Variants in SPTBN4 observed in about 807,000 individuals in gnomAD.
The protein encoded by SPTBN4 is spectrin beta, non-erythrocytic 4.
In SPTBN4, 96 loss-of-function variants were observed where a neutral mutation model predicts 277.8. The observed-to-expected ratio is 0.35, with a 90% CI of 0.29 to 0.41. The LOEUF is 0.41. SPTBN4 is among the 10% of genes least tolerant of loss of function. The probability of loss-of-function intolerance (pLI) is 1.00; values close to 1 mark genes in which losing one functional copy is unlikely to be tolerated. For missense variants in SPTBN4, 3,006 were observed against 3,595.7 expected (o/e 0.84, Z 4.19); for synonymous variants, 1,481 against 1,580.3 (o/e 0.94, Z 1.49).
chr19:40,505,760 A>AAG (rs1555814129), intron 12 of SPTBN4, among the ~76,000 whole-genome samples: 1 of 151,874 alleles, frequency 6.6e-6, no homozygotes, highest in African/African-American at 2.4e-5. Flanking sequence ...GGAAGAAAGA[A>AAG]AGGTGAACAG....
Position 40,568,277 on chromosome 19 carries a change from C to T in SPTBN4, c.6951C>T (p.Val2317=), listed in dbSNP as rs2081117382. ...EQEMPIRGDL[V]KGKATLADIV... is the part of the protein sequence containing the mutation. Reference sequence around the variant, plus strand: ...AGATGCCCATCAGAGGAGACCTGGTCAAGGGGTGAGGTGCCCGCCTTATGA... The same window carrying T: ...AGATGCCCATCAGAGGAGACCTGGTTAAGGGGTGAGGTGCCCGCCTTATGA... The change falls in exon 31 of 36, where the codon GTC becomes GTT. Residue 2317 remains valine (V), a synonymous_variant. Transcript: ENST00000598249. 1 of 1,603,356 alleles carries T rather than the reference C, an allele frequency of 6.2e-7. No homozygotes were observed. Among genetic ancestry groups the T allele is most frequent in the Non-Finnish European group, 8.5e-7 (1 of 1,175,220 alleles).
chr19:40,480,178 G>A (rs1262574530), intron 2 of SPTBN4, among the ~76,000 whole-genome samples: 1 of 151,050 alleles, frequency 6.6e-6, no homozygotes, highest in Non-Finnish European at 1.5e-5. Flanking sequence ...GTGAACCTGG[G>A]AGGCGGAGCT....
chr19:40,511,992 C>T (rs1266367233), intron 13 of SPTBN4, among the ~76,000 whole-genome samples: 2 of 152,000 alleles, frequency 1.3e-5, no homozygotes, highest in African/African-American at 2.4e-5. Context: ...GGCGTGGTGG[C>T]GGGCGCCTGT....
At chr19:40,491,466 G>A (rs2080134793) in intron 4 of SPTBN4, among the ~76,000 whole-genome samples, 2 of 152,092 alleles carry the variant, frequency 1.3e-5, no homozygotes, top group African/African-American at 4.8e-5. Flanking sequence ...CTTTGGCTGG[G>A]CATGGCGGCT....
rs1555810980 is a variant in SPTBN4, at chr19:40,489,228, A to AGAAAGAAAG, written c.322-847_322-846insGAAAGAAAG. 1.6e-3 allele frequency among the ~76,000 whole-genome samples: 220 copies of AGAAAGAAAG among 141,680 alleles called. 4 individuals carry two copies. The highest frequency in any genetic ancestry group is 5.7e-3 in the African/African-American group (205 of 35,938). 92.9% of individuals were successfully genotyped at this position (141,680 alleles called of 152,430 possible). ...CAACAACAAAAGCCAAAAAAAAAAA[A>AGAAAGAAAG]AAAGAAAGAAAAAAAAGAATAGATA... On this transcript the variant is annotated intron_variant, in intron 3 of 35. Coordinates refer to ENST00000598249, the MANE Select transcript of SPTBN4 (RefSeq NM_020971.3).
chr19:40,526,424 G>A (rs757310048), intron 17 of SPTBN4, among the ~76,000 whole-genome samples: 16 of 152,066 alleles, frequency 1.1e-4, no homozygotes, highest in South Asian at 2.1e-4. Context: ...CACCTGCCTC[G>A]GCTCCCCAAA....
intron 2 of SPTBN4, among the ~76,000 whole-genome samples, chr19:40,481,620 C>T (rs964503729): frequency 1.3e-5 from 2 of 151,922 alleles, no homozygotes; most frequent in African/African-American, 4.8e-5. Context: ...GGATTACAGG[C>T]GCACACCACC....
chr19:40,572,729 C>T (rs893525691), intron 35 of SPTBN4: 6 of 222,778 alleles, frequency 2.7e-5, no homozygotes, highest in Non-Finnish European at 5.4e-5. Flanking sequence ...GAGGCCAAGA[C>T]GGGCAGATCA....
chr19:40,485,989 A>G (rs926335711), intron 2 of SPTBN4, among the ~76,000 whole-genome samples: 8 of 151,892 alleles, frequency 5.3e-5, no homozygotes, highest in Middle Eastern at 3.4e-3. Context: ...AAAAAAAAAA[A>G]AAAACAGTAG....
chr19:40,523,641 T>G lies in SPTBN4; in HGVS notation c.3857+2T>G, dbSNP rs766477468. The G allele has an allele frequency of 6.2e-7, 1 of 1,607,634 alleles. No homozygotes were observed. Among genetic ancestry groups the G allele is most frequent in the Non-Finnish European group, 8.5e-7 (1 of 1,176,410 alleles). On this transcript the variant is annotated splice_donor_variant, in intron 17 of 35. Coordinates refer to ENST00000598249, the MANE Select transcript of SPTBN4 (RefSeq NM_020971.3). LOFTEE classifies it high-confidence loss of function. ...GGCTGTGACCCGGCTGCTGGAGAAGTAGGTCCCCTAGACCCATCCACCCCA... is the reference window on the plus strand; with the variant it reads ...GGCTGTGACCCGGCTGCTGGAGAAGGAGGTCCCCTAGACCCATCCACCCCA...
intron 12 of SPTBN4, among the ~76,000 whole-genome samples, chr19:40,504,992 T>C (rs1438501299): frequency 6.6e-6 from 1 of 151,488 alleles, no homozygotes; most frequent in Non-Finnish European, 1.5e-5. Context: ...AAAGGTGACA[T>C]GGAAATCTAC....
intron 13 of SPTBN4, among the ~76,000 whole-genome samples, chr19:40,509,068 ATTG>A (rs2080361414): frequency 1.1e-5 from 1 of 91,282 alleles, no homozygotes; most frequent in African/African-American, 4.2e-5. Context: ...TTTTATTATT[ATTG>A]TTGTTGTTTA....
Position 40,515,516 on chromosome 19 carries a change from A to T in SPTBN4, c.2903+68A>T. 1 of 1,426,842 alleles carries T rather than the reference A, an allele frequency of 7.0e-7. No homozygotes were observed. The highest frequency in any genetic ancestry group is 3.0e-5 in the Admixed American group (1 of 33,762). 88.4% of individuals were successfully genotyped at this position (1,426,842 alleles called of 1,614,324 possible). Reference sequence around the variant, plus strand: ...CCACACTCACACAGCCATGGACAGCAAGATGTGCAATCTCAAACCCCTGGA... The same window carrying T: ...CCACACTCACACAGCCATGGACAGCTAGATGTGCAATCTCAAACCCCTGGA... On this transcript the variant is annotated intron_variant, in intron 15 of 35. Transcript: ENST00000598249. The surrounding 1 kb of genome is among the most constrained non-coding windows in gnomAD (Gnocchi z 4.1).
intron 5 of SPTBN4, among the ~76,000 whole-genome samples, chr19:40,493,696 C>T (rs546659789): frequency 1.3e-5 from 2 of 152,184 alleles, no homozygotes; most frequent in Non-Finnish European, 2.9e-5. Flanking sequence ...GCACTCCAGC[C>T]TGGGCTACAG....
At chr19:40,544,111 G>A (rs568249069) in intron 20 of SPTBN4, among the ~76,000 whole-genome samples, 2 of 146,818 alleles carry the variant, frequency 1.4e-5, no homozygotes, top group African/African-American at 5.0e-5. Flanking sequence ...GTTCTAAATT[G>A]CTTCTTCTTC....
At chr19:40,544,127 CTT>C (rs10618096) in intron 20 of SPTBN4, among the ~76,000 whole-genome samples, 51,645 of 129,202 alleles carry the variant, frequency 0.4, 8,746 homozygotes, top group Non-Finnish European at 0.47. Context: ...TCTTCTTCCT[CTT>C]TTTTTTTTTT....
intron 4 of SPTBN4, among the ~76,000 whole-genome samples, chr19:40,491,111 T>A (rs1393181684): frequency 6.6e-6 from 1 of 151,864 alleles, no homozygotes; most frequent in South Asian, 2.1e-4. Flanking sequence ...AAAATGTCAG[T>A]TGGTGGTGTT....
chr19:40,499,163 G>A (rs1185233059), intron 7 of SPTBN4, among the ~76,000 whole-genome samples: 2 of 151,288 alleles, frequency 1.3e-5, no homozygotes, highest in African/African-American at 4.9e-5. Context: ...CAAGTAACTG[G>A]GACTACAGGT....
chr19:40,486,090 G>C (rs889262398), intron 2 of SPTBN4, among the ~76,000 whole-genome samples: 5 of 151,876 alleles, frequency 3.3e-5, no homozygotes, highest in Non-Finnish European at 7.4e-5. Flanking sequence ...AGGAGTTTGA[G>C]ACCAGCCTGG....
Sources: allele counts gnomAD v4.1 joint callset (sites outside exome capture counted in the v4.1 genomes callset), GRCh38; gene constraint gnomAD v4.1.1; non-coding constraint Gnocchi (gnomAD v3.1); transcripts MANE v1.5; gene names NCBI Gene and HGNC (gene_info 2026-07-23, HGNC 2026-07-21).